The following ERC2 variants were observed in gnomAD, a reference collection of about 807,000 sequenced individuals.
The protein encoded by ERC2 is ERC protein 2.
Under a neutral mutation model 114.8 loss-of-function variants are expected in ERC2, and 42 were observed. That is an observed-to-expected ratio of 0.37 (90% CI 0.29 to 0.47). ERC2 has a LOEUF of 0.47. Among genes scored for constraint, ERC2 ranks in the 20% least tolerant of loss-of-function variants. The pLI, the probability that ERC2 is intolerant of heterozygous loss-of-function variation, is 0.99. For missense variants in ERC2, 939 were observed against 1,150.7 expected (o/e 0.82, Z 2.66); for synonymous variants, 454 against 425.5 (o/e 1.07, Z -0.82).
chr3:55,572,559 G>A, intron 17 of ERC2, among the ~76,000 whole-genome samples: 1 of 152,172 alleles, frequency 6.6e-6, no homozygotes, highest in Admixed American at 6.5e-5. Flanking sequence ...TTTTACACAA[G>A]CTCCTACATG....
intron 6 of ERC2, among the ~76,000 whole-genome samples, chr3:56,091,288 G>C (rs1181053484): frequency 6.6e-6 from 1 of 152,118 alleles, no homozygotes; most frequent in Non-Finnish European, 1.5e-5. Context: ...GGATTTGTAT[G>C]TGTAGGGATG....
In ERC2 at chr3:55,510,279, AAAG is replaced by A. The variant is rs1418845230; in HGVS notation, c.*1034_*1036del. On this transcript the variant is annotated 3_prime_UTR_variant, in exon 18 of 18. Coordinates refer to ENST00000288221, the MANE Select transcript of ERC2 (RefSeq NM_015576.3). ...ACACATTTTCTTTAAAAAAAAAAAA[AAAG>A]AGAAATGACCCTTCATTTACAGAAA... 1 of 152,526 alleles carries A rather than the reference AAAG, an allele frequency of 6.6e-6. No individual in the cohort carries two copies. The highest frequency in any genetic ancestry group is 2.4e-5 in the African/African-American group (1 of 41,410). The allele number at this position is 152,526 out of a possible 1,614,324, so 9.4% of individuals were successfully genotyped here.
intron 17 of ERC2, among the ~76,000 whole-genome samples, chr3:55,681,671 C>T (rs2062060559): frequency 1.3e-5 from 2 of 152,296 alleles, no homozygotes; most frequent in South Asian, 2.1e-4. Flanking sequence ...AAATTTATTA[C>T]AGCATACTAA....
intron 2 of ERC2, among the ~76,000 whole-genome samples, chr3:56,315,755 A>G (rs1208664461): frequency 7.0e-6 from 1 of 142,116 alleles, no homozygotes; most frequent in African/African-American, 2.5e-5. Flanking sequence ...AAAGTCAGAA[A>G]GAGAAAAAAA....
chr3:56,384,040 A>G (rs1174629223), intron 2 of ERC2, among the ~76,000 whole-genome samples: 1 of 152,174 alleles, frequency 6.6e-6, no homozygotes, highest in African/African-American at 2.4e-5. Context: ...TTTCCTTTTT[A>G]TAAGACTTTA....
intron 17 of ERC2, among the ~76,000 whole-genome samples, chr3:55,656,759 A>T (rs993239698): frequency 1.1e-4 from 16 of 152,244 alleles, no homozygotes; most frequent in African/African-American, 3.4e-4. Flanking sequence ...ATTTACAATG[A>T]TATGAAACTA....
intron 13 of ERC2, among the ~76,000 whole-genome samples, chr3:55,925,808 A>G (rs533455876): frequency 6.6e-6 from 1 of 152,334 alleles, no homozygotes; most frequent in African/African-American, 2.4e-5. Flanking sequence ...TGATGCTACT[A>G]TTAAAGCTGG....
chr3:55,611,151 G>A (rs1475134715), intron 17 of ERC2, among the ~76,000 whole-genome samples: 2 of 152,216 alleles, frequency 1.3e-5, no homozygotes, highest in African/African-American at 2.4e-5. Context: ...TTTTTCAAGG[G>A]AAGGCATTTA....
intron 2 of ERC2, among the ~76,000 whole-genome samples, chr3:56,421,799 G>T (rs760714465): frequency 1.3e-5 from 2 of 151,990 alleles, no homozygotes; most frequent in Non-Finnish European, 2.9e-5. Flanking sequence ...TGTCTAGTAG[G>T]TATCATTATG....
chr3:55,969,684 T>C (rs1055764549), intron 12 of ERC2, among the ~76,000 whole-genome samples: 3 of 152,196 alleles, frequency 2.0e-5, no homozygotes, highest in Non-Finnish European at 4.4e-5. Flanking sequence ...ATCAGGTGAA[T>C]TGCTTCTTCC....
intron 17 of ERC2, among the ~76,000 whole-genome samples, chr3:55,591,812 T>C (rs1366825796): frequency 6.6e-6 from 1 of 152,196 alleles, no homozygotes; most frequent in Non-Finnish European, 1.5e-5. Flanking sequence ...CATTCTATTT[T>C]TCCCATTTCA....
At chr3:56,238,982 G>C (rs1272434368) in intron 3 of ERC2, among the ~76,000 whole-genome samples, 1 of 152,102 alleles carries the variant, frequency 6.6e-6, no homozygotes, top group Non-Finnish European at 1.5e-5. Flanking sequence ...CTATAAAAAG[G>C]ATGTCATTAA....
intron 6 of ERC2, among the ~76,000 whole-genome samples, chr3:56,088,617 T>C (rs1418602580): frequency 6.6e-6 from 1 of 152,118 alleles, no homozygotes; most frequent in East Asian, 1.9e-4. Context: ...GCTCATCAAC[T>C]TGAGTTTCAG....
chr3:55,792,533 C>T (rs2070126581), intron 14 of ERC2, among the ~76,000 whole-genome samples: 1 of 152,152 alleles, frequency 6.6e-6, no homozygotes, highest in Non-Finnish European at 1.5e-5. Flanking sequence ...CACAATAGGC[C>T]TTCAATAAAC....
chr3:55,839,691 G>A (rs1033064267), intron 14 of ERC2, among the ~76,000 whole-genome samples: 6 of 151,500 alleles, frequency 4.0e-5, no homozygotes, highest in Non-Finnish European at 8.9e-5. Flanking sequence ...ACAAAACAAA[G>A]AGCTATGGTG....
intron 2 of ERC2, among the ~76,000 whole-genome samples, chr3:56,376,638 C>T (rs2059552981): frequency 6.6e-6 from 1 of 151,998 alleles, no homozygotes; most frequent in South Asian, 2.1e-4. Flanking sequence ...TAGCACAAAC[C>T]TGTAATCCCA....
intron 12 of ERC2, among the ~76,000 whole-genome samples, chr3:55,962,154 G>A (rs1336788232): frequency 6.6e-6 from 1 of 152,078 alleles, no homozygotes; most frequent in African/African-American, 2.4e-5. Context: ...AAAAAGCCTG[G>A]GTAACTCTTT....
intron 4 of ERC2, among the ~76,000 whole-genome samples, chr3:56,170,600 T>TTTG (rs1560298844): frequency 3.5e-5 from 5 of 143,406 alleles, no homozygotes; most frequent in African/African-American, 1.1e-4. Context: ...TTTTTTTTTT[T>TTTG]TTTTTTTTTT....
intron 6 of ERC2, among the ~76,000 whole-genome samples, chr3:56,137,181 T>A (rs1228408599): frequency 6.6e-6 from 1 of 152,180 alleles, no homozygotes; most frequent in Non-Finnish European, 1.5e-5. Context: ...TGGCTCCTCA[T>A]TCATTTTCTC....
Sources: allele counts gnomAD v4.1 joint callset (sites outside exome capture counted in the v4.1 genomes callset), GRCh38; gene constraint gnomAD v4.1.1; transcripts MANE v1.5; gene names NCBI Gene and HGNC (gene_info 2026-07-23, HGNC 2026-07-21).